Variants in HAAO observed in about 807,000 individuals in gnomAD.
The protein encoded by HAAO is 3-hydroxyanthranilate oxygenase.
HAAO carries 49 observed loss-of-function variants against 46.2 expected under a neutral mutation model. The observed-to-expected ratio is 1.06, with a 90% confidence interval of 0.84 to 1.34. HAAO has a LOEUF of 1.34. Among genes scored for constraint, HAAO ranks in the 40% most tolerant of loss-of-function variants. The pLI is 0.00. For missense variants in HAAO, 408 were observed against 364.5 expected (o/e 1.12, Z -0.97); for synonymous variants, 157 against 145.2 (o/e 1.08, Z -0.58).
intron 4 of HAAO, among the ~76,000 whole-genome samples, chr2:42,773,837 G>A (rs1195018789): frequency 1.3e-5 from 2 of 152,250 alleles, no homozygotes; most frequent in South Asian, 4.1e-4. Flanking sequence ...TGATCCACCC[G>A]CCTCGGCCTC....
At position 42,783,320 on chromosome 2, in the gene HAAO, C is replaced by A; in HGVS notation, c.344G>T (p.Gly115Val). The A allele has an allele frequency of 6.2e-7, 1 of 1,601,798 alleles. No homozygotes were observed. The highest frequency in any genetic ancestry group is 8.5e-7 in the Non-Finnish European group (1 of 1,170,094). ...CCCTCCAGACAGAATTTACCTGAGC[C>A]CATCTAGCTCGGTCTCCAGCCGCCT... ...ERRRLETELD[G>V]LRYYVGDTMD... The change falls in exon 4 of 10, where the codon GGG becomes GTG. Residue 115 changes from glycine (G) to valine (V), a missense_variant. Transcript: ENST00000294973.
intron 3 of HAAO, 29 bp from the exon 4 acceptor site, chr2:42,783,449 G>C (rs1427736546): frequency 7.2e-7 from 1 of 1,395,170 alleles, no homozygotes; most frequent in Non-Finnish European, 1.0e-6. Context: ...GGTGCACAGT[G>C]AGGCTGCAAT....
intron 4 of HAAO, among the ~76,000 whole-genome samples, chr2:42,781,671 G>A (rs375816946): frequency 4.6e-5 from 7 of 152,142 alleles, no homozygotes; most frequent in East Asian, 3.8e-4. Context: ...TCAGGAGTTC[G>A]AGACTAGCCT....
At position 42,767,693 on chromosome 2, in the gene HAAO, A is replaced by C. The variant is rs1670768946; in HGVS notation, c.700-16T>G. 36 of 1,570,724 alleles carry C rather than the reference A, an allele frequency of 2.3e-5. No homozygotes were observed. Among genetic ancestry groups the C allele is most frequent in the Non-Finnish European group, 2.9e-5 (34 of 1,155,056 alleles). ...AGGAGCCCTCCTGGAGAAGAGGAGC[A>C]GGAGAATCAAATGGAGACTGTTGGG... On this transcript the variant is annotated splice_polypyrimidine_tract_variant and intron_variant, in intron 8 of 9. Transcript: ENST00000294973.
At chr2:42,776,927 C>T (rs956046758) in intron 4 of HAAO, among the ~76,000 whole-genome samples, 16 of 151,790 alleles carry the variant, frequency 1.1e-4, no homozygotes, top group African/African-American at 2.9e-4. Context: ...CCACCGTGTC[C>T]GGCGAGTTGT....
chr2:42,788,919 G>C, intron 1 of HAAO: 1 of 372,494 alleles, frequency 2.7e-6, no homozygotes, highest in Admixed American at 3.6e-5. Flanking sequence ...ACAGGATCAA[G>C]ATCTCGAATT....
At position 42,788,622 on chromosome 2, in the gene HAAO, GT is replaced by G; in HGVS notation, c.81-16del. The G allele has an allele frequency of 1.4e-6, 2 of 1,416,362 alleles. No homozygotes were observed. The highest frequency in any genetic ancestry group is 2.0e-6 in the Non-Finnish European group (2 of 1,003,002). 87.7% of individuals were successfully genotyped at this position (1,416,362 alleles called of 1,614,324 possible). A position where few individuals can be genotyped will look rare whatever the true frequency, so the allele number is the denominator to read the frequency against. On this transcript the variant is annotated splice_polypyrimidine_tract_variant and intron_variant, in intron 1 of 9. Transcript: ENST00000294973. The stretch of plus-strand genomic sequence containing the variant: ...GCTCCTGGTGCCTGCAATGCGCAAA[GT>G]GGGGGAGACGTTCTAAACCATCTCC...
chr2:42,770,013 G>A, intron 6 of HAAO, 130 bp downstream of exon 6: 2 of 1,119,598 alleles, frequency 1.8e-6, no homozygotes, highest in Non-Finnish European at 2.6e-6. Context: ...ACCATTGGCT[G>A]CCATCTTCTT....
chr2:42,767,537 G>A, intron 9 of HAAO, 22 bp from the exon 10 acceptor site: 1 of 1,605,128 alleles, frequency 6.2e-7, no homozygotes, highest in Non-Finnish European at 8.5e-7. Context: ...CAGATGAGCA[G>A]GGATCACACA....
chr2:42,778,749 G>T (rs11693355), intron 4 of HAAO, among the ~76,000 whole-genome samples: 2 of 151,998 alleles, frequency 1.3e-5, no homozygotes, highest in Non-Finnish European at 2.9e-5. Flanking sequence ...AGCTCCTCAA[G>T]GCCCAGGGAC....
At chr2:42,780,824 T>G (rs1671932943) in intron 4 of HAAO, among the ~76,000 whole-genome samples, 1 of 150,694 alleles carries the variant, frequency 6.6e-6, no homozygotes, top group African/African-American at 2.4e-5. Context: ...TCCCAGCACT[T>G]TGGGAGGCCA....
intron 7 of HAAO, 37 bp from the exon 8 acceptor site, chr2:42,767,965 TG>T (rs1558657278): frequency 6.4e-7 from 1 of 1,573,550 alleles, no homozygotes; most frequent in African/African-American, 1.3e-5. Flanking sequence ...TGGTGCTTCT[TG>T]CCCCACATGG....
At chr2:42,781,145 T>C (rs1334047373) in intron 4 of HAAO, among the ~76,000 whole-genome samples, 1 of 152,220 alleles carries the variant, frequency 6.6e-6, no homozygotes, top group Admixed American at 6.5e-5. Context: ...TCTCTCTACC[T>C]GATTTCTCCA....
At chr2:42,788,670 T>G in intron 1 of HAAO, 63 bp from the exon 2 acceptor site, 1 of 1,086,138 alleles carries the variant, frequency 9.2e-7, no homozygotes, top group Non-Finnish European at 1.4e-6. Context: ...AGAGCACGGG[T>G]CCCGTGGGGG....
At chr2:42,773,849 C>G (rs189409498) in intron 4 of HAAO, among the ~76,000 whole-genome samples, 158 of 152,318 alleles carry the variant, frequency 1.0e-3, no homozygotes, top group African/African-American at 3.5e-3. Flanking sequence ...CTCGGCCTCC[C>G]GAAGTGCTGG....
chr2:42,775,322 A>C (rs1036401937), intron 4 of HAAO, among the ~76,000 whole-genome samples: 1 of 151,798 alleles, frequency 6.6e-6, no homozygotes, highest in African/African-American at 2.4e-5. Flanking sequence ...AAGAAAGATG[A>C]AAGATTTTGT....
chr2:42,770,353 G>A, intron 5 of HAAO, 140 bp downstream of exon 5: 2 of 876,570 alleles, frequency 2.3e-6, no homozygotes, highest in Non-Finnish European at 1.8e-6. Context: ...CGGGGCTGCT[G>A]CTCCCCCCTC....
At chr2:42,770,605 A>T in intron 4 of HAAO, 23 bp from the exon 5 acceptor site, 1 of 1,494,544 alleles carries the variant, frequency 6.7e-7, no homozygotes, top group Non-Finnish European at 9.1e-7. Context: ...AGGACAGGCA[A>T]CCCTGCTGTC....
At position 42,784,441 on chromosome 2, in the gene HAAO, T is replaced by C. The variant is rs1247216365; in HGVS notation, c.160-574A>G. Among the ~76,000 whole-genome samples, 3 of 141,332 alleles carry C rather than the reference T, an allele frequency of 2.1e-5. No homozygotes were observed. The East Asian group carries it at 6.9e-4, about 32-fold the overall frequency. 92.7% of individuals were successfully genotyped at this position (141,332 alleles called of 152,430 possible). A position where few individuals can be genotyped will look rare whatever the true frequency, so the allele number is the denominator to read the frequency against. On this transcript the variant is annotated intron_variant, in intron 2 of 9. Coordinates refer to ENST00000294973, the MANE Select transcript of HAAO (RefSeq NM_012205.3). Reference sequence around the variant, plus strand: ...GACACCTTGGCAAGGGGTGGGGCTGTGGAGGTTGCTGGCAGCCTGGGATGG... The same window carrying C: ...GACACCTTGGCAAGGGGTGGGGCTGCGGAGGTTGCTGGCAGCCTGGGATGG...
Sources: allele counts gnomAD v4.1 joint callset (sites outside exome capture counted in the v4.1 genomes callset), GRCh38; gene constraint gnomAD v4.1.1; transcripts MANE v1.5; gene names NCBI Gene and HGNC (gene_info 2026-07-23, HGNC 2026-07-21).